The following THSD4 variants were observed in gnomAD, a reference collection of about 807,000 sequenced individuals.
THSD4 encodes thrombospondin type 1 domain containing 4, also known as thrombospondin type-1 domain-containing protein 4.
In THSD4, 69 loss-of-function variants were observed where a neutral mutation model predicts 119.0. The observed-to-expected ratio is 0.58, with a 90% CI of 0.48 to 0.71. The LOEUF (loss-of-function observed/expected upper bound fraction) is 0.71, where lower values mean the gene tolerates loss of function less well. Ranked by LOEUF, THSD4 falls within the 30% of genes least tolerant of loss-of-function variation. The probability of loss-of-function intolerance (pLI) is 0.00; values close to 1 mark genes in which losing one functional copy is unlikely to be tolerated. For missense variants in THSD4, 1,393 were observed against 1,391.1 expected, an observed-to-expected ratio of 1.00 and a Z score of -0.02; for synonymous variants, 524 against 540.4, an observed-to-expected ratio of 0.97 and a Z score of 0.42.
chr15:71,435,208 G>T (rs2041584258), intron 7 of THSD4, among the ~76,000 whole-genome samples: 1 of 151,910 alleles, frequency 6.6e-6, no homozygotes, highest in Non-Finnish European at 1.5e-5. Flanking sequence ...CCAAGGGACT[G>T]GTTCTCTGAC....
intron 3 of THSD4, among the ~76,000 whole-genome samples, chr15:71,188,477 G>T (rs764270223): frequency 2.6e-5 from 4 of 152,118 alleles, no homozygotes; most frequent in Non-Finnish European, 4.4e-5. Context: ...GGAAGCCATA[G>T]AGATACTGGT....
chr15:71,735,327 G>A (rs2053061627), intron 10 of THSD4, among the ~76,000 whole-genome samples: 1 of 152,154 alleles, frequency 6.6e-6, no homozygotes, highest in Admixed American at 6.5e-5. Flanking sequence ...CCCGCTGCAG[G>A]GGTGGCTTCC....
chr15:71,745,193 C>G lies in THSD4; in HGVS notation c.1994C>G (p.Thr665Ser), dbSNP rs766590261. The G allele has an allele frequency of 6.2e-7, 1 of 1,613,444 alleles. No homozygotes were observed. The highest frequency in any genetic ancestry group is 1.1e-5 in the South Asian group (1 of 91,032). The part of the protein sequence containing the change: ...ESYCDSSMKP[T>S]PEEEPCNIFP... ...TACTGTGACTCCAGCATGAAGCCGA[C>G]CCCCGAGGAGGAGCCCTGCAACATC... is the stretch of plus-strand genomic sequence containing the variant. Residue 665 changes from threonine to serine, a missense_variant, in exon 12 of 18, where the codon ACC (threonine) becomes AGC (serine). Coordinates refer to ENST00000261862, the MANE Select transcript of THSD4 (RefSeq NM_024817.3).
Position 71,562,698 on chromosome 15 carries a change from C to CTTTTTTTTTT in THSD4, c.1153-97827_1153-97818dup, listed in dbSNP as rs34555744. On this transcript the variant is annotated intron_variant, in intron 7 of 17. Transcript: ENST00000261862. The stretch of plus-strand genomic sequence containing the variant: ...ACACCTAAGCCTACCACCTTTGGTC[C>CTTTTTTTTTT]TTTTTTTTTTTTTTCTTTTCTGAAA... Among the ~76,000 whole-genome samples, 3 of 125,282 alleles carry CTTTTTTTTTT rather than the reference C, an allele frequency of 2.4e-5. 1 individual carries two copies. Among genetic ancestry groups the CTTTTTTTTTT allele is most frequent in the Admixed American group, 9.2e-5 (1 of 10,870 alleles). The allele number at this position is 125,282 out of a possible 152,430, so 82.2% of individuals were successfully genotyped here.
intron 8 of THSD4, among the ~76,000 whole-genome samples, chr15:71,720,036 C>CT (rs1200407782): frequency 0.049 from 4,974 of 101,626 alleles, 544 homozygotes; most frequent in African/African-American, 0.17. Flanking sequence ...TTTTTTTTTT[C>CT]TTTTTTTTTT....
At chr15:71,359,849 CA>C (rs5813626) in intron 6 of THSD4, among the ~76,000 whole-genome samples, 30,194 of 151,580 alleles carry the variant, frequency 0.2, 3,804 homozygotes, top group East Asian at 0.54. Context: ...AACAAGCAAA[CA>C]AAAAAAACAG....
intron 6 of THSD4, among the ~76,000 whole-genome samples, chr15:71,409,248 T>C (rs1238463735): frequency 6.6e-6 from 1 of 151,066 alleles, no homozygotes; most frequent in Non-Finnish European, 1.5e-5. Context: ...AAGATACAGA[T>C]AGTTGGGAGG....
At chr15:71,615,740 A>G (rs1438078270) in intron 7 of THSD4, among the ~76,000 whole-genome samples, 2 of 152,212 alleles carry the variant, frequency 1.3e-5, no homozygotes, top group African/African-American at 2.4e-5. Context: ...GGTGTAAACA[A>G]CAGCGAAAAG....
intron 3 of THSD4, among the ~76,000 whole-genome samples, chr15:71,168,888 G>A (rs1255421857): frequency 2.0e-5 from 3 of 152,194 alleles, no homozygotes; most frequent in Non-Finnish European, 2.9e-5. Context: ...TTTGAGAATA[G>A]CTTCGTAATT....
chr15:71,581,808 A>G (rs2049564555), intron 7 of THSD4, among the ~76,000 whole-genome samples: 1 of 152,132 alleles, frequency 6.6e-6, no homozygotes, highest in Non-Finnish European at 1.5e-5. Flanking sequence ...CCCTGGTTGA[A>G]GATCATCAGT....
chr15:71,598,487 A>G (rs868537412), intron 7 of THSD4, among the ~76,000 whole-genome samples: 1 of 152,126 alleles, frequency 6.6e-6, no homozygotes. Flanking sequence ...TTGACTGAAG[A>G]CTGGGGAGAA....
intron 7 of THSD4, among the ~76,000 whole-genome samples, chr15:71,597,488 A>G (rs1460111093): frequency 6.6e-6 from 1 of 152,230 alleles, no homozygotes; most frequent in Admixed American, 6.5e-5. Context: ...AGCTATTTCT[A>G]TAGACAACAT....
intron 7 of THSD4, among the ~76,000 whole-genome samples, chr15:71,554,433 G>A (rs1425606513): frequency 6.6e-6 from 1 of 151,946 alleles, no homozygotes; most frequent in African/African-American, 2.4e-5. Context: ...TGTCACCCAG[G>A]CTGGAAGTGC....
intron 8 of THSD4, among the ~76,000 whole-genome samples, chr15:71,716,561 G>GGGGTGTGTGTGTGTGTGT (rs1555445094): frequency 2.1e-5 from 3 of 144,562 alleles, no homozygotes; most frequent in African/African-American, 5.1e-5. Context: ...TAGAGTGTGG[G>GGGGTGTGTGTGTGTGTGT]GTGTGTGTGT....
At chr15:71,506,501 G>T (rs2048190855) in intron 7 of THSD4, among the ~76,000 whole-genome samples, 1 of 152,218 alleles carries the variant, frequency 6.6e-6, no homozygotes, top group Non-Finnish European at 1.5e-5. Flanking sequence ...ACCAAGGCCA[G>T]GTTGTTTGCA....
chr15:71,661,863 T>G (rs1284098695), intron 8 of THSD4, among the ~76,000 whole-genome samples: 1 of 152,182 alleles, frequency 6.6e-6, no homozygotes, highest in Non-Finnish European at 1.5e-5. Context: ...GCACTATTCT[T>G]AATGTGTTGC....
chr15:71,720,033 TTTC>T (rs1420132512), intron 8 of THSD4, among the ~76,000 whole-genome samples: 1 of 86,240 alleles, frequency 1.2e-5, no homozygotes, highest in East Asian at 3.4e-4. Flanking sequence ...TTTTTTTTTT[TTTC>T]TTTTTTTTTT....
rs932442846 is a variant in THSD4, at chr15:71,261,524, A to T, written c.1015+4809A>T. Among the ~76,000 whole-genome samples, 4 of 152,146 alleles carry T rather than the reference A, an allele frequency of 2.6e-5. No individual in the cohort carries two copies. In the South Asian group the frequency reaches 6.2e-4, roughly 24 times the overall value. ...AACTAATATACCTAGTGACTGTTCC[A>T]ATCCCAGACAAACTATACCATGGTC... is the stretch of plus-strand genomic sequence containing the variant. On this transcript the variant is annotated intron_variant, in intron 6 of 17. Transcript: ENST00000261862.
At chr15:71,757,613 G>A (rs2053565029) in intron 14 of THSD4, among the ~76,000 whole-genome samples, 1 of 106,484 alleles carries the variant, frequency 9.4e-6, no homozygotes, top group Non-Finnish European at 2.0e-5. Context: ...ATATATTTTT[G>A]AAAGCAAAAG....
Sources: gnomAD v4.1 joint callset for allele counts (sites outside exome capture counted in the v4.1 genomes callset) on GRCh38, gnomAD v4.1.1 for gene constraint, MANE v1.5 for transcripts, NCBI Gene and HGNC (gene_info 2026-07-23, HGNC 2026-07-21) for gene names.